The following RABGEF1 variants were observed in gnomAD, a reference collection of about 807,000 sequenced individuals.
RABGEF1 encodes the protein RAB guanine nucleotide exchange factor 1.
Under a neutral mutation model 57.3 loss-of-function variants are expected in RABGEF1, and 26 were observed. The observed-to-expected ratio is 0.45, with a 90% CI of 0.33 to 0.63. The LOEUF (loss-of-function observed/expected upper bound fraction) is 0.63. Among genes scored for constraint, RABGEF1 ranks in the 20% least tolerant of loss-of-function variants. The probability of loss-of-function intolerance (pLI) is 0.02; values close to 1 mark genes in which losing one functional copy is unlikely to be tolerated. For missense variants in RABGEF1, 464 were observed against 607.6 expected (o/e 0.76, Z 2.48); for synonymous variants, 185 against 210.7 (o/e 0.88, Z 1.06).
the RABGEF1 span, among the ~76,000 whole-genome samples, chr7:66,668,453 G>T: frequency 2.6e-5 from 4 of 152,294 alleles, no homozygotes; most frequent in Middle Eastern, 0.01. Context: ...CCTCCAGCTG[G>T]CATCTTGCAA....
At chr7:66,715,072 T>A (rs1795222019) in intron 2 of RABGEF1, among the ~76,000 whole-genome samples, 1 of 151,974 alleles carries the variant, frequency 6.6e-6, no homozygotes, top group African/African-American at 2.4e-5. Flanking sequence ...TTTTTCCTTC[T>A]CTTTCTCTTT....
chr7:66,783,509 G>A (rs915976700), intron 3 of RABGEF1, among the ~76,000 whole-genome samples, 166 bp from the exon 4 acceptor site: 1 of 152,158 alleles, frequency 6.6e-6, no homozygotes, highest in Non-Finnish European at 1.5e-5. Flanking sequence ...AACAGATTTA[G>A]TTTACTTTAA....
rs1197861589 is a variant in RABGEF1 at position 66,693,581 on chromosome 7, C to T, written c.-873+11323C>T. Reference sequence around the variant, plus strand: ...CTCCCAGGCCCTCACCCACCCTGCCCTCTCCCATGGAGTTAAGAATCCTGG... The same window carrying T: ...CTCCCAGGCCCTCACCCACCCTGCCTTCTCCCATGGAGTTAAGAATCCTGG... On this transcript the variant is annotated intron_variant and NMD_transcript_variant, in intron 1 of 9. Coordinates refer to the RABGEF1 transcript ENST00000607882. Among the ~76,000 whole-genome samples the T allele has an allele frequency of 3.3e-5, 5 of 152,256 alleles. No homozygotes were observed. The South Asian group carries it at 6.2e-4, about 19-fold the overall frequency.
the RABGEF1 span, among the ~76,000 whole-genome samples, chr7:66,663,101 G>A: frequency 2.3e-3 from 343 of 152,366 alleles, 2 homozygotes; most frequent in African/African-American, 8.1e-3. Flanking sequence ...AATAACATGA[G>A]CGCTCTGTGT....
At chr7:66,792,330 T>G (rs1230091486) in intron 4 of RABGEF1, among the ~76,000 whole-genome samples, 2 of 152,184 alleles carry the variant, frequency 1.3e-5, no homozygotes, top group Non-Finnish European at 1.5e-5. Flanking sequence ...TTACCTTATT[T>G]GCAGGCTAAC....
At chr7:66,790,850 A>T (rs909232112) in intron 4 of RABGEF1, among the ~76,000 whole-genome samples, 1 of 152,224 alleles carries the variant, frequency 6.6e-6, no homozygotes, top group Non-Finnish European at 1.5e-5. Context: ...CCAATAGGAC[A>T]CTACAGGTCT....
intron 1 of RABGEF1, among the ~76,000 whole-genome samples, chr7:66,763,632 ACCCATG>A (rs1001646656): frequency 6.6e-5 from 10 of 152,284 alleles, no homozygotes; most frequent in South Asian, 2.1e-4. Context: ...TCAAAAAGGA[ACCCATG>A]CCCTTTCTCT....
the RABGEF1 span, among the ~76,000 whole-genome samples, chr7:66,663,101 G>T: frequency 3.3e-5 from 5 of 152,370 alleles, no homozygotes; most frequent in African/African-American, 1.2e-4. Flanking sequence ...AATAACATGA[G>T]CGCTCTGTGT....
intron 1 of RABGEF1, among the ~76,000 whole-genome samples, chr7:66,689,695 C>T (rs1480463512): frequency 5.3e-5 from 8 of 151,384 alleles, no homozygotes; most frequent in African/African-American, 1.2e-4. Flanking sequence ...CCCAGCAACT[C>T]GGAGGCTGAG....
intron 1 of RABGEF1, among the ~76,000 whole-genome samples, chr7:66,761,352 C>T (rs1395170214): frequency 1.3e-5 from 2 of 152,196 alleles, no homozygotes; most frequent in East Asian, 3.8e-4. Flanking sequence ...GTTGGGGTTC[C>T]CATGGCTCCC....
At chr7:66,772,261 C>T (rs3735152) in intron 2 of RABGEF1, among the ~76,000 whole-genome samples, 183 bp downstream of exon 2, 5,578 of 152,214 alleles carry the variant, frequency 0.037, 161 homozygotes, top group East Asian at 0.086. Flanking sequence ...TCAGTAGTTT[C>T]TTCATTTTGT....
upstream of RABGEF1, among the ~76,000 whole-genome samples, chr7:66,735,853 G>T (rs1176084709): frequency 6.6e-6 from 1 of 152,064 alleles, no homozygotes; most frequent in African/African-American, 2.4e-5. Flanking sequence ...CCAGTCTCAG[G>T]CATTTCTTTA....
At chr7:66,678,032 C>G (rs1428965338), upstream of RABGEF1, among the ~76,000 whole-genome samples, 1 of 151,826 alleles carries the variant, frequency 6.6e-6, no homozygotes, top group African/African-American at 2.4e-5. Flanking sequence ...ACACTGCACT[C>G]CAGTCTGGGT....
intron 2 of RABGEF1, chr7:66,773,877 G>A (rs1177527166): frequency 4.3e-5 from 18 of 415,666 alleles, no homozygotes; most frequent in South Asian, 3.0e-4. Context: ...TGTTGCCCAG[G>A]CTGGTCTCAA....
chr7:66,727,860 T>C (rs1261955755), intron 2 of RABGEF1, among the ~76,000 whole-genome samples: 1 of 152,110 alleles, frequency 6.6e-6, no homozygotes, highest in Non-Finnish European at 1.5e-5. Flanking sequence ...GTGGTGGGAT[T>C]CCCAGCGGCT....
chr7:66,772,941 T>TGG (rs1372235018), intron 2 of RABGEF1, among the ~76,000 whole-genome samples: 1 of 151,290 alleles, frequency 6.6e-6, no homozygotes, highest in Admixed American at 6.6e-5. Context: ...AATAAATAAA[T>TGG]GATGGGATGG....
chr7:66,715,097 C>T (rs751972483), intron 2 of RABGEF1, among the ~76,000 whole-genome samples: 1 of 151,556 alleles, frequency 6.6e-6, no homozygotes, highest in Non-Finnish European at 1.5e-5. Context: ...TCCTTCTCCT[C>T]TCCTCCTCCT....
chr7:66,735,902 A>G (rs1465620428), upstream of RABGEF1, among the ~76,000 whole-genome samples: 1 of 152,216 alleles, frequency 6.6e-6, no homozygotes, highest in Non-Finnish European at 1.5e-5. Context: ...GGCCTGTAGT[A>G]TCTCCCTCAC....
chr7:66,689,696 G>A (rs555443054), intron 1 of RABGEF1, among the ~76,000 whole-genome samples: 5 of 152,074 alleles, frequency 3.3e-5, no homozygotes, highest in Admixed American at 2.0e-4. Context: ...CCAGCAACTC[G>A]GAGGCTGAGG....
Sources: gnomAD v4.1 joint callset for allele counts (sites outside exome capture counted in the v4.1 genomes callset) on GRCh38, gnomAD v4.1.1 for gene constraint, MANE v1.5 for transcripts, NCBI Gene and HGNC (gene_info 2026-07-23, HGNC 2026-07-21) for gene names.